TRPV2: variants seen among roughly 807,000 people sequenced by gnomAD.
The protein encoded by TRPV2 is OTRPC2.
A neutral mutation model predicts 91.0 loss-of-function variants in TRPV2; 58 were observed. The ratio of observed to expected loss-of-function variants is 0.64; its 90% confidence interval spans 0.52 to 0.79. The LOEUF is 0.79. TRPV2 is among the 30% of genes least tolerant of loss of function. TRPV2 has a pLI of 0.00. For missense variants in TRPV2, 807 were observed against 969.6 expected, an observed-to-expected ratio of 0.83 and a Z score of 2.23; for synonymous variants, 417 against 414.8, an observed-to-expected ratio of 1.01 and a Z score of -0.06.
rs1191282921 is a variant in TRPV2, at chr17:16,415,899, T to TG, written c.-108+70dup. 6.6e-6 allele frequency: 1 copy of TG among 152,060 alleles called. No homozygotes were observed. The highest frequency in any genetic ancestry group is 1.5e-5 in the Non-Finnish European group (1 of 68,152). The allele number at this position is 152,060 out of a possible 1,614,324, so 9.4% of individuals were successfully genotyped here. ...GGTCTCCAAGCCTGACAGTGAATGA[T>TG]GGGGTGGGGAAGGCCTAGTGGGCTC... On this transcript the variant is annotated intron_variant, in intron 1 of 14. Coordinates refer to ENST00000338560, the MANE Select transcript of TRPV2 (RefSeq NM_016113.5). This position sits in a 1 kb window ranked among gnomAD's most constrained non-coding sequence, Gnocchi z 4.5.
At position 16,422,869 on chromosome 17, in the gene TRPV2, A is replaced by C. The variant is rs760562392; in HGVS notation, c.605A>C (p.Gln202Pro). 1.9e-6 allele frequency: 3 copies of C among 1,565,982 alleles called. No homozygotes were observed. Among genetic ancestry groups the C allele is most frequent in the Non-Finnish European group, 1.7e-6 (2 of 1,153,550 alleles). ...TGCGGCCGCTTCTTCCAGAAGGGCC[A>C]AGGGACTTGCTTTTATTTCGGTGAG... ...RACGRFFQKG[Q>P]GTCFYFGELP... The change falls in exon 4 of 15, where the codon CAA (glutamine) becomes CCA (proline). Residue 202 changes from glutamine (Q) to proline (P), a missense_variant. Physicochemically the swap from Gln to Pro is moderately conservative, Grantham distance 76. Coordinates refer to ENST00000338560, the MANE Select transcript of TRPV2 (RefSeq NM_016113.5).
chr17:16,436,466 C>A (rs568969943), intron 14 of TRPV2, among the ~76,000 whole-genome samples: 1 of 152,220 alleles, frequency 6.6e-6, no homozygotes, highest in Non-Finnish European at 1.5e-5. Context: ...TCTGCCACCG[C>A]CCCTGCAGGA....
chr17:16,432,996 G>A (rs1386583071), intron 12 of TRPV2, among the ~76,000 whole-genome samples: 2 of 150,316 alleles, frequency 1.3e-5, no homozygotes, highest in Non-Finnish European at 2.9e-5. Context: ...GTAGAGATAA[G>A]GTTTCACCAT....
Position 16,428,864 on chromosome 17 carries a change from T to C in TRPV2, c.1469T>C (p.Leu490Pro). Residue 490 changes from leucine (L) to proline (P), a missense_variant, in exon 10 of 15, where the codon CTG becomes CCG. Transcript: ENST00000338560. ...LTVVSQVLCF[L>P]AIEWYLPLLV... ...GTGGTGTCCCAGGTGCTGTGTTTCC[T>C]GGCCATCGAGTGGTACCTGCCCCTG... is the stretch of plus-strand genomic sequence containing the variant. The C allele has an allele frequency of 1.2e-6, 2 of 1,614,042 alleles. No individual in the cohort carries two copies. The highest frequency in any genetic ancestry group is 1.1e-5 in the South Asian group (1 of 91,072).
At position 16,426,126 on chromosome 17, in the gene TRPV2, T is replaced by C. The variant is rs761518908; in HGVS notation, c.952T>C (p.Phe318Leu). The C allele has an allele frequency of 2.5e-6, 4 of 1,613,200 alleles. No homozygotes were observed. In the Admixed American group the frequency reaches 6.7e-5, roughly 27 times the overall value. ...TTTCAGGCACATCCTGCAGCGGGAG[T>C]TTTCAGGACTGAGCCACCTTTCCCG... is the stretch of plus-strand genomic sequence containing the variant. ...EIFRHILQRE[F>L]SGLSHLSRKF... Residue 318 changes from phenylalanine (F) to leucine (L), a missense_variant, in exon 6 of 15, where the codon TTT (phenylalanine) becomes CTT (leucine). Transcript: ENST00000338560. The surrounding 1 kb of genome is among the most constrained non-coding windows in gnomAD (Gnocchi z 6.0).
In TRPV2 at chr17:16,428,935, A is replaced by G; in HGVS notation, c.1540A>G (p.Thr514Ala). 4 of 1,614,064 alleles carry G rather than the reference A, an allele frequency of 2.5e-6. No individual in the cohort carries two copies. Among genetic ancestry groups the G allele is most frequent in the Non-Finnish European group, 1.7e-6 (2 of 1,180,028 alleles). ...GGGCTGGCTGAACCTGCTTTACTAT[A>G]CACGTGGCTTCCAGCACACAGGCAT... is the stretch of plus-strand genomic sequence containing the variant. ...VLGWLNLLYY[T>A]RGFQHTGIYS... The change falls in exon 10 of 15, where the codon ACA (threonine) becomes GCA (alanine). Residue 514 changes from threonine (T) to alanine (A), a missense_variant. Thr to Ala is a moderately conservative substitution (Grantham distance 58). Transcript: ENST00000338560.
intron 3 of TRPV2, among the ~76,000 whole-genome samples, chr17:16,422,334 A>G (rs1195168204): frequency 3.3e-5 from 5 of 149,308 alleles, no homozygotes; most frequent in South Asian, 2.1e-4. Flanking sequence ...AAAAAAAAAA[A>G]AAAAGAAAAG....
chr17:16,423,993 GAT>G (rs1491480893), intron 5 of TRPV2, among the ~76,000 whole-genome samples: 3 of 152,150 alleles, frequency 2.0e-5, no homozygotes, highest in African/African-American at 7.2e-5. Context: ...AAAACATTGA[GAT>G]TTTTTTTTTT....
intron 12 of TRPV2, 87 bp downstream of exon 12, chr17:16,432,387 C>T: frequency 7.8e-7 from 1 of 1,279,022 alleles, no homozygotes. Flanking sequence ...TGGGCCTTCC[C>T]TAGCCAGGAG....
intron 1 of TRPV2, 84 bp from the exon 2 acceptor site, chr17:16,417,478 C>CCAGCTT: frequency 1.8e-6 from 1 of 555,214 alleles, no homozygotes; most frequent in Non-Finnish European, 3.2e-6. Context: ...AGCTGACCAG[C>CCAGCTT]CAGCCTCAGC....
At chr17:16,428,456 G>C (rs2093395053) in intron 9 of TRPV2, 69 bp downstream of exon 9, 5 of 1,547,574 alleles carry the variant, frequency 3.2e-6, no homozygotes, top group African/African-American at 1.4e-5. Context: ...TGTGGCAGAA[G>C]GCACCAGGTT....
At chr17:16,428,490 G>T in intron 9 of TRPV2, 103 bp downstream of exon 9, 1 of 1,276,438 alleles carries the variant, frequency 7.8e-7, no homozygotes, top group Non-Finnish European at 1.1e-6. Flanking sequence ...AGGACACGGG[G>T]CCCAGGAAGT....
intron 2 of TRPV2, among the ~76,000 whole-genome samples, 180 bp from the exon 3 acceptor site, chr17:16,419,935 G>A (rs2093348568): frequency 6.6e-6 from 1 of 152,188 alleles, no homozygotes; most frequent in African/African-American, 2.4e-5. Flanking sequence ...TCCTCCTCCC[G>A]GGGTCCCCTA....
At position 16,417,578 on chromosome 17, in the gene TRPV2, C is replaced by T. The variant is rs2093336834; in HGVS notation, c.-91C>T. 1.4e-6 allele frequency: 2 copies of T among 1,421,766 alleles called. No homozygotes were observed. The highest frequency in any genetic ancestry group is 2.8e-5 in the African/African-American group (2 of 70,832). The allele number at this position is 1,421,766 out of a possible 1,614,324, so 88.1% of individuals were successfully genotyped here. A position where few individuals can be genotyped will look rare whatever the true frequency, so the allele number is the denominator to read the frequency against. ...CTTTTGCAGGCTCCAGTCAGGCCAA[C>T]ACCGACGCGCAGCTGGGAGGAAGAC... On this transcript the variant is annotated 5_prime_UTR_variant, in exon 2 of 15. Transcript: ENST00000338560.
At chr17:16,434,658 C>T (rs2093427911) in intron 13 of TRPV2, 2 of 485,870 alleles carry the variant, frequency 4.1e-6, no homozygotes, top group Non-Finnish European at 7.2e-6. Context: ...CTGCTGTGAA[C>T]AGCCAGAAGC....
chr17:16,435,008 TG>T lies in TRPV2; in HGVS notation c.2194+40del. 3 of 1,559,894 alleles carry T rather than the reference TG, an allele frequency of 1.9e-6. No homozygotes were observed. The highest frequency in any genetic ancestry group is 2.6e-6 in the Non-Finnish European group (3 of 1,144,790). On this transcript the variant is annotated intron_variant, in intron 14 of 14. Transcript: ENST00000338560. The surrounding 1 kb of genome is among the most constrained non-coding windows in gnomAD (Gnocchi z 4.2). The stretch of plus-strand genomic sequence containing the variant: ...TGACTAGAGCCTCTGCCCTGGGGTG[TG>T]TGTCTCTGCTGCTTGGCCACAAAGC...
Position 16,435,403 on chromosome 17 carries a change from A to G in TRPV2, c.2194+434A>G, listed in dbSNP as rs1246438947. ...AGGCAGCATCTCCCTGGACCCTCAGAGGAACTGCCCTGCATAGGCCCTTAG... is the reference window on the plus strand; with the variant it reads ...AGGCAGCATCTCCCTGGACCCTCAGGGGAACTGCCCTGCATAGGCCCTTAG... On this transcript the variant is annotated intron_variant, in intron 14 of 14. Coordinates refer to ENST00000338560, the MANE Select transcript of TRPV2 (RefSeq NM_016113.5). This position sits in a 1 kb window ranked among gnomAD's most constrained non-coding sequence, Gnocchi z 4.2. Among the ~76,000 whole-genome samples the G allele has an allele frequency of 6.6e-6, 1 of 152,142 alleles. No individual in the cohort carries two copies. The highest frequency in any genetic ancestry group is 1.9e-4 in the East Asian group (1 of 5,188).
intron 12 of TRPV2, 30 bp from the exon 13 acceptor site, chr17:16,433,544 C>A: frequency 6.2e-7 from 1 of 1,610,792 alleles, no homozygotes; most frequent in South Asian, 1.1e-5. Flanking sequence ...GGTCCCAGGA[C>A]GTTCTGTCTG....
At position 16,432,260 on chromosome 17, in the gene TRPV2, A is replaced by G; in HGVS notation, c.1949A>G (p.Asn650Ser). ...ATCGCCCTCATGAGCGAGACCGTCAACAGTGTCGCCACTGACAGCTGGAGC... is the reference window on the plus strand; with the variant it reads ...ATCGCCCTCATGAGCGAGACCGTCAGCAGTGTCGCCACTGACAGCTGGAGC... ...MLIALMSETV[N>S]SVATDSWSIW... The change falls in exon 12 of 15, where the codon AAC becomes AGC. Residue 650 changes from asparagine (N) to serine (S), a missense_variant. Transcript: ENST00000338560. The G allele has an allele frequency of 6.2e-7, 1 of 1,611,956 alleles. No individual in the cohort carries two copies. Among genetic ancestry groups the G allele is most frequent in the Non-Finnish European group, 8.5e-7 (1 of 1,178,204 alleles).
Sources: gnomAD v4.1 joint callset for allele counts (sites outside exome capture counted in the v4.1 genomes callset) on GRCh38, gnomAD v4.1.1 for gene constraint, Gnocchi (gnomAD v3.1) non-coding constraint, MANE v1.5 for transcripts, NCBI Gene and HGNC (gene_info 2026-07-23, HGNC 2026-07-21) for gene names.